CNPY3: variants seen among roughly 807,000 people sequenced by gnomAD.
CNPY3 encodes the protein canopy FGF signaling regulator 3.
CNPY3 carries 20 observed loss-of-function variants against 32.0 expected under a neutral mutation model. The ratio of observed to expected loss-of-function variants is 0.63; its 90% CI spans 0.44 to 0.91. The LOEUF is 0.91. Ranked by LOEUF, CNPY3 falls within the 40% of genes least tolerant of loss-of-function variation. The pLI is 0.00. For missense variants in CNPY3, 299 were observed against 340.8 expected, an observed-to-expected ratio of 0.88 and a Z score of 0.97; for synonymous variants, 138 against 142.9, an observed-to-expected ratio of 0.97 and a Z score of 0.24.
intron 3 of CNPY3, 26 bp downstream of exon 3, chr6:42,935,696 C>T (rs777419791): frequency 1.9e-5 from 30 of 1,597,870 alleles, no homozygotes; most frequent in Admixed American, 6.7e-5. Context: ...GTCCTTCATC[C>T]GCTCTGGGGT....
At position 42,938,085 on chromosome 6, in the gene CNPY3, A is replaced by G; in HGVS notation, c.496-5A>G. The stretch of plus-strand genomic sequence containing the variant: ...TTTGCCAATATGAGGTATTATGATT[A>G]ACAGTGTGATGTGCTGGTGGAAGAG... On this transcript the variant is annotated splice_polypyrimidine_tract_variant and splice_region_variant and intron_variant, in intron 4 of 5. Coordinates refer to ENST00000372836, the MANE Select transcript of CNPY3 (RefSeq NM_006586.5). The G allele has an allele frequency of 6.2e-7, 1 of 1,611,128 alleles. No individual in the cohort carries two copies.
intron 4 of CNPY3, 35 bp from the exon 5 acceptor site, chr6:42,938,055 G>A: frequency 5.1e-6 from 8 of 1,582,266 alleles, no homozygotes; most frequent in Non-Finnish European, 6.9e-6. Flanking sequence ...GTCAGGTGCT[G>A]GGGCTTTGCC....
intron 4 of CNPY3, 34 bp from the exon 5 acceptor site, chr6:42,938,056 G>A: frequency 3.2e-6 from 5 of 1,584,552 alleles, no homozygotes; most frequent in Non-Finnish European, 4.3e-6. Context: ...TCAGGTGCTG[G>A]GGCTTTGCCA....
intron 3 of CNPY3, among the ~76,000 whole-genome samples, chr6:42,937,043 C>T (rs535047421): frequency 6.6e-6 from 1 of 152,270 alleles, no homozygotes; most frequent in African/African-American, 2.4e-5. Flanking sequence ...AAGGGTCTAC[C>T]TGCCTCAGCT....
intron 3 of CNPY3, 28 bp downstream of exon 3, chr6:42,935,698 C>G (rs757029420): frequency 6.3e-6 from 10 of 1,598,068 alleles, no homozygotes; most frequent in Non-Finnish European, 8.6e-6. Context: ...CCTTCATCCG[C>G]TCTGGGGTCA....
chr6:42,937,646 C>T, intron 3 of CNPY3, 71 bp from the exon 4 acceptor site: 5 of 1,567,742 alleles, frequency 3.2e-6, no homozygotes, highest in African/African-American at 1.4e-5. Context: ...GGGTTCTTAG[C>T]CACCACTGGG....
upstream of CNPY3, among the ~76,000 whole-genome samples, chr6:42,928,590 G>A (rs1032630226): frequency 6.6e-6 from 1 of 152,186 alleles, no homozygotes; most frequent in Non-Finnish European, 1.5e-5. Context: ...TCCCCTTAAT[G>A]ACACAGCAGA....
rs1009579449 is a variant in CNPY3, at chr6:42,930,307, G to C, written c.151+586G>C. Among the ~76,000 whole-genome samples the C allele has an allele frequency of 4.6e-5, 7 of 152,110 alleles. No individual in the cohort carries two copies. The East Asian group carries it at 1.3e-3, about 29-fold the overall frequency. ...CTGTTGCACCCACTAACAACTCCTC[G>C]AAGGCAGGAATTTTTGTCTTAGATA... On this transcript the variant is annotated intron_variant, in intron 1 of 5. Transcript: ENST00000372836.
At chr6:42,931,627 C>G (rs1581701863) in intron 1 of CNPY3, among the ~76,000 whole-genome samples, 1 of 152,060 alleles carries the variant, frequency 6.6e-6, no homozygotes, top group East Asian at 1.9e-4. Flanking sequence ...TCCCAAAGTG[C>G]TGGGATTACA....
At chr6:42,936,353 G>T (rs12525392) in intron 3 of CNPY3, among the ~76,000 whole-genome samples, 12,982 of 152,166 alleles carry the variant, frequency 0.085, 821 homozygotes, top group East Asian at 0.17. Flanking sequence ...ATCTGTGTTT[G>T]CTTTAATAAA....
chr6:42,929,636 G>GCTGCTC lies in CNPY3; in HGVS notation c.71_72insCCTGCT (p.Leu24_Leu25dup), dbSNP rs1351840306. ...TTCTTCCCTTGCTGCTGCTGCTGCT[G>GCTGCTC]CTGCTGCTGCCGGCCCCGGAGCTGG... On this transcript the variant is annotated inframe_insertion, in exon 1 of 6. Coordinates refer to ENST00000372836, the MANE Select transcript of CNPY3 (RefSeq NM_006586.5). 5.1e-6 allele frequency: 8 copies of GCTGCTC among 1,556,178 alleles called. No individual in the cohort carries two copies. The highest frequency in any genetic ancestry group is 7.0e-6 in the Non-Finnish European group (8 of 1,151,050).
At chr6:42,934,086 T>A (rs1442453295) in intron 1 of CNPY3, among the ~76,000 whole-genome samples, 1 of 151,972 alleles carries the variant, frequency 6.6e-6, no homozygotes, top group Non-Finnish European at 1.5e-5. Context: ...GGAGAATCGC[T>A]TGAACCCAGG....
At chr6:42,931,660 C>G (rs1767829675) in intron 1 of CNPY3, among the ~76,000 whole-genome samples, 1 of 151,942 alleles carries the variant, frequency 6.6e-6, no homozygotes, top group African/African-American at 2.4e-5. Context: ...TGCACCCAGC[C>G]CAGCTAACTG....
chr6:42,935,584 T>G lies in CNPY3; in HGVS notation c.286T>G (p.Leu96Val), dbSNP rs747974124. Reference protein sequence around the residue: ...GVKYTKSDLRLIEVTETICKR... With the variant: ...GVKYTKSDLRVIEVTETICKR... ...CTCCTGTCTTGGCAGGGACTTGCGG[T>G]TAATCGAAGTCACTGAGACCATTTG... The change falls in exon 3 of 6, where the codon TTA becomes GTA. Residue 96 changes from leucine (L) to valine (V), a missense_variant. By Grantham distance (32) the Leu-to-Val change is conservative. This residue lies in a region of CNPY3 where 211 missense variants were observed against 278.3 expected (regional missense o/e 0.76). Transcript: ENST00000372836. The G allele has an allele frequency of 6.2e-7, 1 of 1,608,840 alleles. No homozygotes were observed. The highest frequency in any genetic ancestry group is 1.7e-5 in the Admixed American group (1 of 59,954).
chr6:42,928,476 G>A (rs769408054), upstream of CNPY3, among the ~76,000 whole-genome samples: 8 of 151,698 alleles, frequency 5.3e-5, no homozygotes, highest in Non-Finnish European at 1.2e-4. Flanking sequence ...TTGAGACAGG[G>A]TCTCAATCTG....
intron 2 of CNPY3, 51 bp from the exon 3 acceptor site, chr6:42,935,523 C>T (rs1395303579): frequency 4.4e-6 from 7 of 1,581,232 alleles, no homozygotes; most frequent in Admixed American, 3.4e-5. Context: ...AGACCACTAA[C>T]CCACTGCGGC....
At chr6:42,931,942 T>G (rs1406740836) in intron 1 of CNPY3, among the ~76,000 whole-genome samples, 1 of 152,002 alleles carries the variant, frequency 6.6e-6, no homozygotes, top group Non-Finnish European at 1.5e-5. Flanking sequence ...AGGTTGGTCT[T>G]GAACTCCTGA....
intron 3 of CNPY3, among the ~76,000 whole-genome samples, chr6:42,936,025 C>G (rs1053538): frequency 0.51 from 74,158 of 144,806 alleles, 18,304 homozygotes; most frequent in South Asian, 0.59. Context: ...GAGGACACCT[C>G]GGTGGGAGTG....
rs770105044 is a variant in CNPY3 at position 42,938,126 on chromosome 6, G to A, written c.532G>A (p.Glu178Lys). Residue 178 changes from glutamate (E) to lysine (K), a missense_variant, in exon 5 of 6, where the codon GAG (glutamate) becomes AAG (lysine). Coordinates refer to ENST00000372836, the MANE Select transcript of CNPY3 (RefSeq NM_006586.5). ...GGTGGAAGAGTTTGAGGAGGTGATC[G>A]AGGACTGGTACAGGAACCACCAGGA... ...VLVEEFEEVI[E>K]DWYRNHQEED... 2.0e-5 allele frequency: 32 copies of A among 1,613,974 alleles called. No homozygotes were observed. The highest frequency in any genetic ancestry group is 4.0e-5 in the African/African-American group (3 of 74,914).
Sources: allele counts gnomAD v4.1 joint callset (sites outside exome capture counted in the v4.1 genomes callset), GRCh38; gene constraint gnomAD v4.1.1; regional missense constraint gnomAD v4.1.1; transcripts MANE v1.5; gene names NCBI Gene and HGNC (gene_info 2026-07-23, HGNC 2026-07-21).